The following CTNNA2 variants were observed in gnomAD, a reference collection of about 807,000 sequenced individuals.
CTNNA2 encodes the protein catenin alpha 2.
Under a neutral mutation model 101.0 loss-of-function variants are expected in CTNNA2, and 42 were observed. The ratio of observed to expected loss-of-function variants is 0.42; its 90% CI spans 0.32 to 0.54. The LOEUF is 0.54. Ranked by LOEUF, CTNNA2 falls within the 20% of genes least tolerant of loss-of-function variation. CTNNA2 has a pLI of 0.14. For synonymous variants in CTNNA2, 450 were observed against 456.4 expected (o/e 0.99, Z 0.18); for missense variants, 871 against 1,223.1 (o/e 0.71, Z 4.29).
chr2:79,808,046 T>C (rs1010620242), intron 3 of CTNNA2, among the ~76,000 whole-genome samples: 4 of 152,196 alleles, frequency 2.6e-5, no homozygotes, highest in Non-Finnish European at 5.9e-5. Flanking sequence ...CAAAAATTAC[T>C]TTTTACGTGA....
intron 3 of CTNNA2, among the ~76,000 whole-genome samples, chr2:79,772,041 T>G (rs1284914960): frequency 1.3e-5 from 2 of 151,438 alleles, no homozygotes; most frequent in Non-Finnish European, 1.5e-5. Flanking sequence ...TTTCTTTTCT[T>G]TTGATGGTGC....
intron 2 of CTNNA2, among the ~76,000 whole-genome samples, chr2:79,709,765 A>T (rs938460300): frequency 1.3e-5 from 2 of 152,230 alleles, no homozygotes; most frequent in Admixed American, 1.3e-4. Flanking sequence ...AGGATGGGGT[A>T]GGGTGGGGTA....
At chr2:80,005,341 G>A (rs1265290018) in intron 7 of CTNNA2, among the ~76,000 whole-genome samples, 1 of 152,140 alleles carries the variant, frequency 6.6e-6, no homozygotes, top group African/African-American at 2.4e-5. Context: ...GTTAGGAGTG[G>A]CCCTGCTCAT....
At chr2:79,249,559 C>T (rs528555381) in intron 2 of CTNNA2, among the ~76,000 whole-genome samples, 2 of 152,184 alleles carry the variant, frequency 1.3e-5, no homozygotes, top group African/African-American at 4.8e-5. Context: ...GTATCCTAAG[C>T]CTTCCTCAAT....
intron 2 of CTNNA2, among the ~76,000 whole-genome samples, chr2:79,287,036 A>C (rs1357191106): frequency 6.6e-6 from 1 of 152,020 alleles, no homozygotes; most frequent in Non-Finnish European, 1.5e-5. Flanking sequence ...CCTTTCTTCC[A>C]GTTGATCGCA....
At chr2:79,576,672 CT>C (rs1262043810) in intron 1 of CTNNA2, among the ~76,000 whole-genome samples, 5 of 152,078 alleles carry the variant, frequency 3.3e-5, no homozygotes, top group African/African-American at 1.2e-4. Context: ...TTAGTGTTTG[CT>C]TTTCTCTCAT....
chr2:79,297,420 G>A (rs1573049524), intron 2 of CTNNA2, among the ~76,000 whole-genome samples: 1 of 152,172 alleles, frequency 6.6e-6, no homozygotes, highest in South Asian at 2.1e-4. Context: ...TTGAACAAGA[G>A]TTTTTAAACA....
intron 4 of CTNNA2, among the ~76,000 whole-genome samples, chr2:79,476,637 AC>A (rs1389656706): frequency 6.6e-6 from 1 of 152,102 alleles, no homozygotes; most frequent in Non-Finnish European, 1.5e-5. Context: ...TGCCAACTTG[AC>A]TTCTATCCCA....
chr2:80,645,560 G>A (rs1558676230), intron 18 of CTNNA2, among the ~76,000 whole-genome samples: 1 of 135,894 alleles, frequency 7.4e-6, no homozygotes, highest in Non-Finnish European at 1.6e-5. Context: ...TTAAAACAAA[G>A]ATTGCAAGGT....
chr2:80,590,232 G>A (rs186000783), intron 15 of CTNNA2, among the ~76,000 whole-genome samples: 55 of 152,218 alleles, frequency 3.6e-4, no homozygotes, highest in Admixed American at 3.1e-3. Context: ...CAAACCAAGG[G>A]AGAGCAAAAC....
At chr2:80,270,272 C>T (rs1673358710) in intron 7 of CTNNA2, among the ~76,000 whole-genome samples, 1 of 152,100 alleles carries the variant, frequency 6.6e-6, no homozygotes, top group Non-Finnish European at 1.5e-5. Flanking sequence ...GTACTAAATC[C>T]TCTATTTTTT....
chr2:80,521,879 AAATC>A (rs1434921958), intron 9 of CTNNA2, among the ~76,000 whole-genome samples: 5 of 152,218 alleles, frequency 3.3e-5, no homozygotes, highest in Non-Finnish European at 5.9e-5. Context: ...CTAAATAACT[AAATC>A]AAAACTGCAT....
intron 9 of CTNNA2, among the ~76,000 whole-genome samples, chr2:80,435,571 A>G (rs756217614): frequency 1.6e-4 from 25 of 152,248 alleles, no homozygotes; most frequent in Non-Finnish European, 3.2e-4. Context: ...TAAGGCAGCT[A>G]GCTTAAAATA....
At chr2:79,851,740 T>C (rs1680733942) in intron 3 of CTNNA2, among the ~76,000 whole-genome samples, 1 of 35,958 alleles carries the variant, frequency 2.8e-5, no homozygotes, top group African/African-American at 1.3e-4. Flanking sequence ...TCTTTTCCTT[T>C]TTTTTTTTTT....
chr2:79,432,991 G>T (rs1558665481), intron 4 of CTNNA2, among the ~76,000 whole-genome samples: 1 of 152,184 alleles, frequency 6.6e-6, no homozygotes, highest in Non-Finnish European at 1.5e-5. Flanking sequence ...TGTCAGCGAG[G>T]TTGTTTTCAA....
At chr2:80,420,034 G>GAAA (rs527701227) in intron 9 of CTNNA2, among the ~76,000 whole-genome samples, 20 of 37,542 alleles carry the variant, frequency 5.3e-4, no homozygotes, top group Middle Eastern at 0.033. Context: ...GGGAACTTGT[G>GAAA]AAAAAAAAAA....
At chr2:80,518,087 C>T (rs1689244077) in intron 9 of CTNNA2, among the ~76,000 whole-genome samples, 1 of 152,174 alleles carries the variant, frequency 6.6e-6, no homozygotes, top group East Asian at 1.9e-4. Flanking sequence ...GTCCTTCACT[C>T]AAAGACATTT....
chr2:79,674,384 C>G (rs975702355), intron 2 of CTNNA2, among the ~76,000 whole-genome samples: 12 of 152,168 alleles, frequency 7.9e-5, no homozygotes, highest in Non-Finnish European at 1.5e-5. Flanking sequence ...ATTGGAGCCA[C>G]CTCTGTAACT....
intron 7 of CTNNA2, among the ~76,000 whole-genome samples, chr2:80,188,109 A>G (rs906033395): frequency 7.9e-5 from 12 of 152,124 alleles, no homozygotes; most frequent in African/African-American, 1.4e-4. Context: ...TTTGAAGACA[A>G]TATTTTCGAA....
Sources: allele counts gnomAD v4.1 joint callset (sites outside exome capture counted in the v4.1 genomes callset), GRCh38; gene constraint gnomAD v4.1.1; transcripts MANE v1.5; gene names NCBI Gene and HGNC (gene_info 2026-07-23, HGNC 2026-07-21).